The following SLC5A11 variants were observed in gnomAD, a reference collection of about 807,000 sequenced individuals.
SLC5A11 encodes solute carrier family 5 member 11, also known as sodium/myo-inositol cotransporter 2.
A neutral mutation model predicts 69.8 loss-of-function variants in SLC5A11; 48 were observed. The observed-to-expected ratio is 0.69, with a 90% CI of 0.55 to 0.87. The LOEUF (loss-of-function observed/expected upper bound fraction) is 0.87, where lower values mean the gene tolerates loss of function less well. Among genes scored for constraint, SLC5A11 ranks in the 40% least tolerant of loss-of-function variants. The pLI is 0.00. For missense variants in SLC5A11, 784 were observed against 866.1 expected (o/e 0.91, Z 1.19); for synonymous variants, 319 against 342.4 (o/e 0.93, Z 0.75).
chr16:24,907,216 G>A (rs756308541), intron 12 of SLC5A11, 41 bp downstream of exon 13: 2 of 1,607,154 alleles, frequency 1.2e-6, no homozygotes, highest in Non-Finnish European at 1.7e-6. Flanking sequence ...GGGGAAGAGA[G>A]AGCTGAGCCC....
intron 7 of SLC5A11, among the ~76,000 whole-genome samples, chr16:24,881,192 C>T (rs1049592227): frequency 2.7e-5 from 4 of 146,202 alleles, no homozygotes; most frequent in Non-Finnish European, 4.5e-5. Context: ...GGCAACAGAG[C>T]GAAACTCAAA....
At chr16:24,878,689 T>C (rs1381727721) in intron 7 of SLC5A11, among the ~76,000 whole-genome samples, 1 of 152,188 alleles carries the variant, frequency 6.6e-6, no homozygotes, top group African/African-American at 2.4e-5. Context: ...CAAATATCTC[T>C]ACTCCAGAGG....
At chr16:24,872,496 A>G (rs1021064400) in intron 5 of SLC5A11, among the ~76,000 whole-genome samples, 12 of 152,164 alleles carry the variant, frequency 7.9e-5, no homozygotes, top group African/African-American at 2.9e-4. Context: ...ATACCAAAAC[A>G]CAAATGTAAA....
intron 3 of SLC5A11, among the ~76,000 whole-genome samples, chr16:24,863,946 C>T: frequency 6.6e-6 from 1 of 152,208 alleles, no homozygotes; most frequent in East Asian, 1.9e-4. Context: ...ACCTGCTGGG[C>T]TCATCTTTAT....
chr16:24,890,990 A>T lies in SLC5A11; in HGVS notation c.786A>T (p.Arg262=), dbSNP rs754051674. The change falls in exon 9 of 16, where the codon CGA becomes CGT. Residue 262 remains arginine, a synonymous_variant. Transcript: ENST00000347898. ...GGGAAGATGCCTTCCATATTTTCCG[A>T]GATCCGCTGACATCTGATCTCCCGT... The T allele has an allele frequency of 9.9e-6, 16 of 1,614,174 alleles. 1 individual carries two copies. Among genetic ancestry groups the T allele is most frequent in the East Asian group, 2.2e-5 (1 of 44,882 alleles).
chr16:24,854,758 C>T (rs2059455146), intron 1 of SLC5A11, among the ~76,000 whole-genome samples: 1 of 152,048 alleles, frequency 6.6e-6, no homozygotes, highest in East Asian at 1.9e-4. Flanking sequence ...CTGATGAGAA[C>T]ATTACTTACC....
exon 1 of SLC5A11, chr16:24,846,314 G>A (rs1475101381): frequency 6.6e-6 from 1 of 152,288 alleles, no homozygotes; most frequent in East Asian, 1.9e-4. Context: ...TGCTGTCTCC[G>A]GAAGCTCTTG....
intron 5 of SLC5A11, among the ~76,000 whole-genome samples, chr16:24,875,072 C>CA (rs758037103): frequency 6.6e-6 from 1 of 152,096 alleles, no homozygotes; most frequent in Non-Finnish European, 1.5e-5. Context: ...CTCCTGGGCT[C>CA]AAGCAGTCCT....
chr16:24,858,553 A>G, intron 1 of SLC5A11, 67 bp from the exon 3 acceptor site: 1 of 1,437,270 alleles, frequency 7.0e-7, no homozygotes, highest in Non-Finnish European at 9.4e-7. Flanking sequence ...CTAGGGAGGT[A>G]GCTACAGAAA....
At chr16:24,910,679 G>C (rs929649805) in intron 15 of SLC5A11, among the ~76,000 whole-genome samples, 26 of 152,144 alleles carry the variant, frequency 1.7e-4, no homozygotes, top group African/African-American at 6.0e-4. Flanking sequence ...CTTCCTACGG[G>C]CACTAACAGC....
chr16:24,905,547 G>A (rs760296943), intron 10 of SLC5A11, among the ~76,000 whole-genome samples: 5 of 152,050 alleles, frequency 3.3e-5, no homozygotes, highest in Non-Finnish European at 7.4e-5. Context: ...GCTGGAGCCT[G>A]TGAGGCTAGG....
At chr16:24,849,595 T>TAC (rs1567553333) in intron 1 of SLC5A11, among the ~76,000 whole-genome samples, 14 of 56,880 alleles carry the variant, frequency 2.5e-4, no homozygotes, top group African/African-American at 1.2e-3. Flanking sequence ...AAAAAAAAAA[T>TAC]ATATATATAT....
chr16:24,875,662 C>T (rs776483702), exon 6 of SLC5A11: 7 of 1,613,804 alleles, frequency 4.3e-6, no homozygotes, highest in Admixed American at 1.7e-5. Context: ...GGAAGCGCTT[C>T]GGTGGCATCA....
intron 6 of SLC5A11, among the ~76,000 whole-genome samples, chr16:24,876,204 G>GAAA (rs1162639357): frequency 3.6e-5 from 4 of 111,714 alleles, no homozygotes; most frequent in African/African-American, 1.4e-4. Context: ...TCAAAAAAAA[G>GAAA]AAAAAAAAAA....
exon 15 of SLC5A11, chr16:24,910,451 A>G: frequency 6.2e-7 from 1 of 1,614,150 alleles, no homozygotes. Context: ...GAGATGGTTC[A>G]AGAAAACACG....
At chr16:24,902,486 A>G (rs2049707728) in intron 10 of SLC5A11, among the ~76,000 whole-genome samples, 1 of 151,766 alleles carries the variant, frequency 6.6e-6, no homozygotes, top group Non-Finnish European at 1.5e-5. Context: ...GGGTTGATAT[A>G]TGGAAGATCA....
chr16:24,887,210 C>A (rs1323891399), intron 8 of SLC5A11, among the ~76,000 whole-genome samples: 1 of 152,058 alleles, frequency 6.6e-6, no homozygotes, highest in Non-Finnish European at 1.5e-5. Flanking sequence ...GACCTATGTG[C>A]CTGTCTTGAA....
At chr16:24,846,352 C>T (rs1679466642) in exon 1 of SLC5A11, 1 of 152,340 alleles carries the variant, frequency 6.6e-6, no homozygotes, top group South Asian at 2.1e-4. Flanking sequence ...TCCCGGGTAT[C>T]TCCCTCCTTA....
intron 7 of SLC5A11, among the ~76,000 whole-genome samples, chr16:24,880,198 G>A (rs2047947111): frequency 6.6e-6 from 1 of 152,096 alleles, no homozygotes; most frequent in African/African-American, 2.4e-5. Flanking sequence ...TTGACTCACA[G>A]TTCCACAGGC....
Sources: allele counts gnomAD v4.1 joint callset (sites outside exome capture counted in the v4.1 genomes callset), GRCh38; gene constraint gnomAD v4.1.1; transcripts MANE v1.5; gene names NCBI Gene and HGNC (gene_info 2026-07-23, HGNC 2026-07-21).